Variants in PDE1A observed in about 807,000 individuals in gnomAD.
PDE1A encodes the protein dual specificity calcium/calmodulin-dependent 3',5'-cyclic nucleotide phosphodiesterase 1A.
A neutral mutation model predicts 61.7 loss-of-function variants in PDE1A; 35 were observed. The ratio of observed to expected loss-of-function variants is 0.57; its 90% CI spans 0.43 to 0.75. The LOEUF (loss-of-function observed/expected upper bound fraction) is 0.75, where lower values mean the gene tolerates loss of function less well. Among genes scored for constraint, PDE1A ranks in the 30% least tolerant of loss-of-function variants. The probability of loss-of-function intolerance (pLI) is 0.00; values close to 1 mark genes in which losing one functional copy is unlikely to be tolerated. For missense variants in PDE1A, 597 were observed against 630.6 expected (o/e 0.95, Z 0.57); for synonymous variants, 232 against 213.2 (o/e 1.09, Z -0.77).
chr2:182,576,336 C>T, the PDE1A span, among the ~76,000 whole-genome samples: 1 of 152,072 alleles, frequency 6.6e-6, no homozygotes, highest in South Asian at 2.1e-4. Context: ...TTTATGACTG[C>T]TTGTTTCACT....
the PDE1A span, among the ~76,000 whole-genome samples, chr2:182,636,775 T>A: frequency 2.0e-5 from 3 of 152,192 alleles, no homozygotes; most frequent in African/African-American, 7.2e-5. Flanking sequence ...CGCTCCTTAC[T>A]GGACACTCTA....
the PDE1A span, among the ~76,000 whole-genome samples, chr2:182,668,491 C>T: frequency 6.6e-6 from 1 of 151,932 alleles, no homozygotes; most frequent in African/African-American, 2.4e-5. Context: ...GTAAGCCACA[C>T]ACACATGCAT....
At position 182,296,748 on chromosome 2, in the gene PDE1A, T is replaced by C. The variant is rs551444811; in HGVS notation, c.54-32334A>G. On this transcript the variant is annotated intron_variant, in intron 1 of 13. Coordinates refer to ENST00000351439, the Ensembl canonical transcript of PDE1A. Reference sequence around the variant, plus strand: ...TAAAACATTATTTCTGGGTGTGCTGTGAGTGTTTCCCAATTAGATTAGTAT... The same window carrying C: ...TAAAACATTATTTCTGGGTGTGCTGCGAGTGTTTCCCAATTAGATTAGTAT... 2.6e-5 allele frequency among the ~76,000 whole-genome samples: 4 copies of C among 152,326 alleles called. No homozygotes were observed. The East Asian group carries it at 7.7e-4, about 29-fold the overall frequency.
intron 2 of PDE1A, among the ~76,000 whole-genome samples, chr2:182,495,377 A>G (rs982072301): frequency 1.3e-5 from 2 of 152,100 alleles, no homozygotes; most frequent in Non-Finnish European, 2.9e-5. Context: ...GCTATCCTCT[A>G]TGGGTGGTCC....
chr2:182,330,421 A>G (rs970393248), intron 1 of PDE1A, among the ~76,000 whole-genome samples: 2 of 152,016 alleles, frequency 1.3e-5, no homozygotes, highest in African/African-American at 4.8e-5. Flanking sequence ...ATATTTTCAG[A>G]AGGGTTATAA....
At chr2:182,585,917 T>A in the PDE1A span, among the ~76,000 whole-genome samples, 1 of 152,152 alleles carries the variant, frequency 6.6e-6, no homozygotes, top group Admixed American at 6.6e-5. Flanking sequence ...TTGACTTAAA[T>A]TTAGATGCAT....
chr2:182,517,448 A>T (rs1254950077), intron 2 of PDE1A, among the ~76,000 whole-genome samples: 1 of 152,216 alleles, frequency 6.6e-6, no homozygotes, highest in African/African-American at 2.4e-5. Context: ...TATAAGATTC[A>T]GAATTTTATT....
At chr2:182,503,733 G>A (rs1024105989) in intron 2 of PDE1A, among the ~76,000 whole-genome samples, 1 of 152,084 alleles carries the variant, frequency 6.6e-6, no homozygotes, top group Non-Finnish European at 1.5e-5. Context: ...AAACTCCCAA[G>A]AGTTTGTTGC....
At chr2:182,635,925 G>T in the PDE1A span, among the ~76,000 whole-genome samples, 2 of 145,884 alleles carry the variant, frequency 1.4e-5, no homozygotes, top group African/African-American at 5.1e-5. Context: ...CGTCAATAAA[G>T]CTTCTGCTCG....
At chr2:182,265,572 T>G (rs1692575801) in intron 1 of PDE1A, among the ~76,000 whole-genome samples, 1 of 152,086 alleles carries the variant, frequency 6.6e-6, no homozygotes, top group Non-Finnish European at 1.5e-5. Flanking sequence ...GATGCCTGAG[T>G]TACAGAAACC....
intron 1 of PDE1A, among the ~76,000 whole-genome samples, chr2:182,281,426 T>C (rs536122578): frequency 5.3e-5 from 8 of 152,030 alleles, no homozygotes; most frequent in African/African-American, 1.9e-4. Flanking sequence ...CATGCAACTT[T>C]AAAATGCTGC....
At chr2:182,584,891 T>C in the PDE1A span, among the ~76,000 whole-genome samples, 3 of 152,302 alleles carry the variant, frequency 2.0e-5, no homozygotes, top group South Asian at 4.1e-4. Context: ...CTCAATCCAC[T>C]GTGAAAGGTG....
the PDE1A span, among the ~76,000 whole-genome samples, chr2:182,567,571 T>C: frequency 2.0e-5 from 3 of 152,092 alleles, no homozygotes; most frequent in African/African-American, 7.3e-5. Flanking sequence ...CTAGGTTTTC[T>C]AAAGCAAATA....
At chr2:182,257,800 C>T (rs1293988426) in intron 2 of PDE1A, among the ~76,000 whole-genome samples, 1 of 152,124 alleles carries the variant, frequency 6.6e-6, no homozygotes, top group African/African-American at 2.4e-5. Context: ...GTGACATGGG[C>T]ATCAGGCATT....
the PDE1A span, among the ~76,000 whole-genome samples, chr2:182,639,521 T>C: frequency 1.3e-5 from 2 of 152,074 alleles, no homozygotes; most frequent in Admixed American, 6.5e-5. Flanking sequence ...TGAGCCAAGA[T>C]CATGCCACTG....
At chr2:182,239,621 T>C (rs1206434531) in intron 3 of PDE1A, among the ~76,000 whole-genome samples, 2 of 147,192 alleles carry the variant, frequency 1.4e-5, no homozygotes, top group East Asian at 4.0e-4. Context: ...AAAAAAAAAA[T>C]AACCTATCAA....
chr2:182,517,984 C>T (rs1690316458), intron 2 of PDE1A, among the ~76,000 whole-genome samples: 1 of 152,098 alleles, frequency 6.6e-6, no homozygotes, highest in African/African-American at 2.4e-5. Flanking sequence ...GGGTGGTAAG[C>T]AATGTTTCTT....
rs763969468 is a variant in PDE1A, at chr2:182,394,251, A to G, written c.53+32327T>C. Among the ~76,000 whole-genome samples the G allele has an allele frequency of 8.1e-4, 123 of 152,212 alleles. 2 individuals carry two copies. The highest frequency in any genetic ancestry group is 1.3e-4 in the Non-Finnish European group (9 of 68,030). On this transcript the variant is annotated intron_variant, in intron 1 of 13. Coordinates refer to ENST00000351439, the Ensembl canonical transcript of PDE1A. ...TAACTGTTAGGTTGCGGGGGGCCTC[A>G]CAATCACGGCAGGAGTTGAAGGAGA...
chr2:182,426,779 T>G (rs1385464454), exon 1 of PDE1A: 1 of 1,465,416 alleles, frequency 6.8e-7, no homozygotes, highest in African/African-American at 1.4e-5. Context: ...GGGAGAAAAC[T>G]TCCCTGTTCT....
Sources: allele counts gnomAD v4.1 joint callset (sites outside exome capture counted in the v4.1 genomes callset), GRCh38; gene constraint gnomAD v4.1.1; transcripts MANE v1.5; gene names NCBI Gene and HGNC (gene_info 2026-07-23, HGNC 2026-07-21).